Variants in LAMC3 observed in about 807,000 individuals in gnomAD.
LAMC3 encodes the protein laminin subunit gamma 3, also known as laminin subunit gamma-3.
Under a neutral mutation model 173.8 loss-of-function variants are expected in LAMC3, and 128 were observed. The observed-to-expected ratio is 0.74, with a 90% CI of 0.64 to 0.85. The LOEUF is 0.85. Ranked by LOEUF, LAMC3 falls within the 40% of genes least tolerant of loss-of-function variation. The pLI, the probability that LAMC3 is intolerant of heterozygous loss-of-function variation, is 0.00. For missense variants in LAMC3, 2,022 were observed against 2,156.0 expected, an observed-to-expected ratio of 0.94 and a Z score of 1.23; for synonymous variants, 897 against 909.1, an observed-to-expected ratio of 0.99 and a Z score of 0.24.
chr9:131,031,307 C>T (rs1445866540), intron 2 of LAMC3, among the ~76,000 whole-genome samples: 3 of 152,212 alleles, frequency 2.0e-5, no homozygotes, highest in African/African-American at 7.2e-5. Context: ...GTGGGTTTTC[C>T]CCGACTTCCC....
At chr9:131,053,271 C>G (rs2133283448) in intron 11 of LAMC3, among the ~76,000 whole-genome samples, 1 of 152,314 alleles carries the variant, frequency 6.6e-6, no homozygotes, top group South Asian at 2.1e-4. Flanking sequence ...CTCACTCCAC[C>G]TTCACTGGAT....
At chr9:131,078,726 C>T (rs1032007672) in intron 22 of LAMC3, among the ~76,000 whole-genome samples, 5 of 152,180 alleles carry the variant, frequency 3.3e-5, no homozygotes, top group East Asian at 1.9e-4. Context: ...ATTCTGCATT[C>T]GGAAGCCATC....
At chr9:131,017,183 C>T (rs936362435) in intron 1 of LAMC3, among the ~76,000 whole-genome samples, 1 of 152,084 alleles carries the variant, frequency 6.6e-6, no homozygotes, top group Non-Finnish European at 1.5e-5. Context: ...CGGGCTGCTG[C>T]GGGTCACCGG....
At chr9:131,042,653 C>A (rs755906155) in intron 7 of LAMC3, among the ~76,000 whole-genome samples, 1 of 152,040 alleles carries the variant, frequency 6.6e-6, no homozygotes, top group Non-Finnish European at 1.5e-5. Context: ...TCAACCCTTG[C>A]CTTTCACAGC....
In LAMC3 at chr9:131,077,284, G is replaced by A. The variant is rs1482303523; in HGVS notation, c.3727G>A (p.Gly1243Ser). Residue 1243 changes from glycine to serine, a missense_variant, in exon 22 of 28, where the codon GGC becomes AGC. By Grantham distance (56) the Gly-to-Ser change is moderately conservative. Transcript: ENST00000361069. ...CGTGTTGGCCACCGTGCAGCAAGTT[G>A]GCGCAGATACAGCCCCGTACCTGGC... is the stretch of plus-strand genomic sequence containing the variant. Reference protein sequence around the residue: ...ESVLATVQQVGADTAPYLALL... With the variant: ...ESVLATVQQVSADTAPYLALL... 6.2e-7 allele frequency: 1 copy of A among 1,614,080 alleles called. No homozygotes were observed. Among genetic ancestry groups the A allele is most frequent in the Non-Finnish European group, 8.5e-7 (1 of 1,180,036 alleles).
intron 27 of LAMC3, among the ~76,000 whole-genome samples, chr9:131,089,384 A>G (rs1293701550): frequency 2.0e-5 from 3 of 151,664 alleles, no homozygotes; most frequent in Non-Finnish European, 4.4e-5. Flanking sequence ...TTGTACTTTT[A>G]AAATTTTTTT....
chr9:131,059,203 T>TA (rs907815893), intron 12 of LAMC3, among the ~76,000 whole-genome samples: 1 of 89,254 alleles, frequency 1.1e-5, no homozygotes, highest in African/African-American at 4.5e-5. Context: ...CTCAAAAAAA[T>TA]AAAAAAAGGC....
Position 131,087,482 on chromosome 9 carries a change from A to G in LAMC3, c.4237A>G (p.Lys1413Glu). 6.2e-7 allele frequency: 1 copy of G among 1,613,828 alleles called. No homozygotes were observed. Among genetic ancestry groups the G allele is most frequent in the Non-Finnish European group, 8.5e-7 (1 of 1,180,006 alleles). ...VLAKDSAKLA[K>E]ALLRERKQAH... is the part of the protein sequence containing the mutation. ...ACTGCCACCCATCCCATAGCTTGCC[A>G]AGGCCTTGCTGAGGGAGCGGAAACA... The change falls in exon 26 of 28, where the codon AAG becomes GAG. Residue 1413 changes from lysine to glutamate, a missense_variant. Transcript: ENST00000361069.
intron 7 of LAMC3, among the ~76,000 whole-genome samples, chr9:131,044,835 G>A (rs1307320475): frequency 1.3e-5 from 2 of 152,212 alleles, no homozygotes; most frequent in Non-Finnish European, 2.9e-5. Context: ...GCGGTGATAG[G>A]TTGGAGGAGA....
intron 1 of LAMC3, among the ~76,000 whole-genome samples, chr9:131,020,050 G>A (rs1833599805): frequency 6.6e-6 from 1 of 152,114 alleles, no homozygotes; most frequent in South Asian, 2.1e-4. Context: ...GTACGAAGAG[G>A]CTTATTTTGG....
chr9:131,060,977 A>G, intron 12 of LAMC3, 58 bp from the exon 13 acceptor site: 2 of 1,571,348 alleles, frequency 1.3e-6, no homozygotes. Flanking sequence ...TCCCACCGGG[A>G]TGCCCACCAT....
chr9:131,084,895 T>C (rs1830303002), intron 24 of LAMC3, among the ~76,000 whole-genome samples: 1 of 150,104 alleles, frequency 6.7e-6, no homozygotes, highest in Admixed American at 6.6e-5. Context: ...CGAGACCTTG[T>C]CTCACTGCAC....
rs371973844 is a variant in LAMC3, at chr9:131,054,788, GAA to G, written c.1939+1825_1939+1826del. On this transcript the variant is annotated intron_variant, in intron 11 of 27. Coordinates refer to ENST00000361069, the MANE Select transcript of LAMC3 (RefSeq NM_006059.4). ...AAAGAGAGAGGGGAAGGGAGGGGGA[GAA>G]AGAGAGAGAGAGAGTGAGAGAGAGA... 1.9e-3 allele frequency among the ~76,000 whole-genome samples: 263 copies of G among 141,606 alleles called. 2 individuals are homozygous for G. Among genetic ancestry groups the G allele is most frequent in the African/African-American group, 6.8e-3 (247 of 36,520 alleles). 92.9% of individuals were successfully genotyped at this position (141,606 alleles called of 152,430 possible). A position where few individuals can be genotyped will look rare whatever the true frequency, so the allele number is the denominator to read the frequency against.
chr9:131,057,937 C>T (rs1051614100), intron 12 of LAMC3, among the ~76,000 whole-genome samples: 2 of 152,220 alleles, frequency 1.3e-5, no homozygotes, highest in African/African-American at 4.8e-5. Context: ...TTGACTCCTG[C>T]AGACATCCCT....
At chr9:131,013,321 G>A (rs1312921343) in intron 1 of LAMC3, among the ~76,000 whole-genome samples, 4 of 152,132 alleles carry the variant, frequency 2.6e-5, no homozygotes, top group East Asian at 1.9e-4. Context: ...TGTGGCTTTC[G>A]GTGGGCTGGG....
At position 131,049,032 on chromosome 9, in the gene LAMC3, G is replaced by C. The variant is rs1350116298; in HGVS notation, c.1532G>C (p.Trp511Ser). Residue 511 changes from tryptophan (W) to serine (S), a missense_variant, in exon 9 of 28, where the codon TGG becomes TCG. Transcript: ENST00000361069. ...LSDFHQGAEGWWARSVGGSEH... is the reference protein window; with the variant it reads ...LSDFHQGAEGSWARSVGGSEH... Reference sequence around the variant, plus strand: ...GTTTGCTGTCTAGGAGCCGAAGGCTGGTGGGCCAGAAGTGTGGGGGGCTCT... The same window carrying C: ...GTTTGCTGTCTAGGAGCCGAAGGCTCGTGGGCCAGAAGTGTGGGGGGCTCT... 1 of 1,549,810 alleles carries C rather than the reference G, an allele frequency of 6.5e-7. No homozygotes were observed. Among genetic ancestry groups the C allele is most frequent in the Admixed American group, 2.0e-5 (1 of 51,056 alleles).
intron 7 of LAMC3, 68 bp from the exon 8 acceptor site, chr9:131,045,456 T>C: frequency 6.3e-7 from 1 of 1,585,950 alleles, no homozygotes; most frequent in Non-Finnish European, 8.6e-7. Flanking sequence ...CCAGCTGGGA[T>C]ACCCTGGCCC....
intron 1 of LAMC3, among the ~76,000 whole-genome samples, chr9:131,011,035 TATTTTTATAACTC>T (rs1405379811): frequency 6.6e-6 from 1 of 152,226 alleles, no homozygotes; most frequent in Non-Finnish European, 1.5e-5. Flanking sequence ...AAACTCAAAT[TATTTTTATAACTC>T]ATTTTTGCTG....
chr9:131,062,920 C>T (rs966385788), intron 13 of LAMC3, among the ~76,000 whole-genome samples: 1 of 152,004 alleles, frequency 6.6e-6, no homozygotes, highest in Non-Finnish European at 1.5e-5. Context: ...TTCCTCCCTC[C>T]AGCCCCTGAT....
Sources: allele counts gnomAD v4.1 joint callset (sites outside exome capture counted in the v4.1 genomes callset), GRCh38; gene constraint gnomAD v4.1.1; transcripts MANE v1.5; gene names NCBI Gene and HGNC (gene_info 2026-07-23, HGNC 2026-07-21).